Variants in PKHD1L1 observed in about 807,000 individuals in gnomAD.
PKHD1L1 encodes the protein PKHD1 like 1.
PKHD1L1 carries 434 observed loss-of-function variants against 462.9 expected under a neutral mutation model. The observed-to-expected ratio is 0.94, with a 90% confidence interval of 0.87 to 1.02. The LOEUF is 1.02. PKHD1L1 is among the 50% of genes least tolerant of loss of function. The probability of loss-of-function intolerance (pLI) is 0.00; values close to 1 mark genes in which losing one functional copy is unlikely to be tolerated. For missense variants in PKHD1L1, 5,202 were observed against 5,096.1 expected, an observed-to-expected ratio of 1.02 and a Z score of -0.63; for synonymous variants, 1,781 against 1,750.0, an observed-to-expected ratio of 1.02 and a Z score of -0.44.
At chr8:109,410,030 TG>T (rs1455920316) in intron 19 of PKHD1L1, 52 bp downstream of exon 19, 13 of 990,738 alleles carry the variant, frequency 1.3e-5, no homozygotes, top group Non-Finnish European at 1.9e-5. Context: ...ATTTATATAA[TG>T]GTTTTAAATT....
chr8:109,507,572 A>G, intron 68 of PKHD1L1, 91 bp from the exon 69 acceptor site: 1 of 1,110,214 alleles, frequency 9.0e-7, no homozygotes, highest in Non-Finnish European at 1.3e-6. Flanking sequence ...CAATAGATCA[A>G]TTTTTTTGGA....
At chr8:109,380,364 C>A (rs1161779560) in intron 2 of PKHD1L1, among the ~76,000 whole-genome samples, 6 of 152,122 alleles carry the variant, frequency 3.9e-5, no homozygotes, top group Non-Finnish European at 7.4e-5. Flanking sequence ...TTATATTCAG[C>A]TTTACATCCT....
chr8:109,413,427 T>C lies in PKHD1L1; in HGVS notation c.2242T>C (p.Leu748=). The change falls in exon 21 of 78, where the codon TTA becomes CTA. Residue 748 remains leucine, a synonymous_variant. Coordinates refer to ENST00000378402, the MANE Select transcript of PKHD1L1 (RefSeq NM_177531.6). The part of the protein sequence containing the change: ...ILLFPYNQLC[L]AYKGFLANYI... ...TTTTCATATTTTTATGTAGTTATGTTTAGCATACAAAGGATTCCTGGCAAA... is the reference window on the plus strand; with the variant it reads ...TTTTCATATTTTTATGTAGTTATGTCTAGCATACAAAGGATTCCTGGCAAA... 6.5e-7 allele frequency: 1 copy of C among 1,529,174 alleles called. No homozygotes were observed. The highest frequency in any genetic ancestry group is 1.4e-5 in the African/African-American group (1 of 73,132). 94.7% of individuals were successfully genotyped at this position (1,529,174 alleles called of 1,614,324 possible). A position where few individuals can be genotyped will look rare whatever the true frequency, so the allele number is the denominator to read the frequency against.
intron 59 of PKHD1L1, among the ~76,000 whole-genome samples, chr8:109,487,888 G>GAC: frequency 7.1e-6 from 1 of 140,474 alleles, no homozygotes. Flanking sequence ...GAGAGAGAGA[G>GAC]AGAGGAAGGA....
At chr8:109,503,891 A>T (rs1673420) in intron 67 of PKHD1L1, among the ~76,000 whole-genome samples, 73,671 of 152,028 alleles carry the variant, frequency 0.48, 19,561 homozygotes, top group African/African-American at 0.7. Flanking sequence ...TACTTCCATG[A>T]CTGGAGGTTG....
Position 109,445,045 on chromosome 8 carries a change from C to T in PKHD1L1, c.5176C>T (p.Leu1726Phe). 2 of 1,613,928 alleles carry T rather than the reference C, an allele frequency of 1.2e-6. No individual in the cohort carries two copies. The highest frequency in any genetic ancestry group is 1.1e-5 in the South Asian group (1 of 91,078). ...PAAQQLVDVD[L>F]LIHGVPAQCQ... ...TGCCCAACAGCTTGTGGATGTAGATCTTCTAATACATGGAGTGCCTGCCCA... is the reference window on the plus strand; with the variant it reads ...TGCCCAACAGCTTGTGGATGTAGATTTTCTAATACATGGAGTGCCTGCCCA... The change falls in exon 38 of 78, where the codon CTT (leucine) becomes TTT (phenylalanine). Residue 1726 changes from leucine (L) to phenylalanine (F), a missense_variant. Around this residue, in one of 3 missense-constraint regions of PKHD1L1, gnomAD observed 4,497 missense variants for 4,336.8 expected, o/e 1.04. Transcript: ENST00000378402.
intron 17 of PKHD1L1, among the ~76,000 whole-genome samples, chr8:109,407,695 T>G (rs2130576347): frequency 6.6e-6 from 1 of 152,290 alleles, no homozygotes; most frequent in Admixed American, 6.5e-5. Flanking sequence ...TGCACTAAAA[T>G]AATGGTACTA....
At chr8:109,456,027 G>T (rs544040028) in intron 45 of PKHD1L1, among the ~76,000 whole-genome samples, 9 of 152,170 alleles carry the variant, frequency 5.9e-5, no homozygotes, top group Admixed American at 1.3e-4. Context: ...GTATATCATT[G>T]CAGAAGAATA....
Position 109,504,387 on chromosome 8 carries a change from C to G in PKHD1L1, c.10889C>G (p.Thr3630Ser), listed in dbSNP as rs535097989. 99 of 1,548,982 alleles carry G rather than the reference C, an allele frequency of 6.4e-5. No homozygotes were observed. In the South Asian group the frequency reaches 1.2e-3, roughly 18 times the overall value. Residue 3630 changes from threonine (T) to serine (S), a missense_variant, in exon 68 of 78, where the codon ACT becomes AGT. Around this residue, in one of 3 missense-constraint regions of PKHD1L1, gnomAD observed 698 missense variants for 736.3 expected, o/e 0.95. Transcript: ENST00000378402. ...GGGGAAACTAATGTTATATTCATTA[C>G]TAACCCTTTAAATGAGGATTTACAG... is the stretch of plus-strand genomic sequence containing the variant. ...CSGETNVIFI[T>S]NPLNEDLQHP...
Position 109,427,015 on chromosome 8 carries a change from T to C in PKHD1L1, c.2859T>C (p.Ala953=), listed in dbSNP as rs796774747. 6.4e-7 allele frequency: 1 copy of C among 1,568,818 alleles called. No individual in the cohort carries two copies. Among genetic ancestry groups the C allele is most frequent in the Admixed American group, 1.7e-5 (1 of 59,964 alleles). Residue 953 remains alanine, a synonymous_variant, in exon 25 of 78, where the codon GCT becomes GCC. Coordinates refer to ENST00000378402, the MANE Select transcript of PKHD1L1 (RefSeq NM_177531.6). ...YGHILKGLPA[A]VSAADLQFAL... ...CTGTGAGTGCAGGCCTCCCCGCTGCTGTGTCAGCTGCAGATCTGCAGTTTG... is the reference window on the plus strand; with the variant it reads ...CTGTGAGTGCAGGCCTCCCCGCTGCCGTGTCAGCTGCAGATCTGCAGTTTG...
chr8:109,508,922 G>A (rs540724769), intron 70 of PKHD1L1, among the ~76,000 whole-genome samples: 1 of 152,142 alleles, frequency 6.6e-6, no homozygotes, highest in South Asian at 2.1e-4. Context: ...ACTTCTAAAA[G>A]GTACTGAAAA....
At chr8:109,373,149 T>C (rs1811608396) in intron 2 of PKHD1L1, among the ~76,000 whole-genome samples, 2 of 152,166 alleles carry the variant, frequency 1.3e-5, no homozygotes, top group South Asian at 4.1e-4. Context: ...TTTTTTTGGT[T>C]GGTAAGCTAT....
chr8:109,426,293 C>A (rs1043252422), intron 24 of PKHD1L1, among the ~76,000 whole-genome samples: 1 of 151,834 alleles, frequency 6.6e-6, no homozygotes, highest in African/African-American at 2.4e-5. Flanking sequence ...ATTAAAAGAT[C>A]ATTTTAACAC....
chr8:109,517,443 C>G (rs1286378132), intron 72 of PKHD1L1, among the ~76,000 whole-genome samples: 1 of 152,144 alleles, frequency 6.6e-6, no homozygotes, highest in Admixed American at 6.6e-5. Flanking sequence ...CACTATTACA[C>G]AATTCAGTGT....
At chr8:109,435,816 GT>G (rs1011078815) in intron 29 of PKHD1L1, among the ~76,000 whole-genome samples, 2 of 151,420 alleles carry the variant, frequency 1.3e-5, no homozygotes, top group Non-Finnish European at 3.0e-5. Flanking sequence ...ACATTTGTTT[GT>G]TTTTTTTACC....
intron 13 of PKHD1L1, among the ~76,000 whole-genome samples, chr8:109,400,776 T>C (rs1380057895): frequency 2.0e-5 from 3 of 152,134 alleles, no homozygotes; most frequent in Non-Finnish European, 2.9e-5. Flanking sequence ...TGATAAGTTT[T>C]TATTTACTTC....
intron 59 of PKHD1L1, 46 bp downstream of exon 59, chr8:109,486,867 T>C (rs1818555183): frequency 6.5e-7 from 1 of 1,531,224 alleles, no homozygotes; most frequent in Non-Finnish European, 9.0e-7. Flanking sequence ...TATAACATTA[T>C]CTCATCTATA....
In PKHD1L1 at chr8:109,532,993, T is replaced by C. The variant is rs564774814; in HGVS notation, c.*2903T>C. 1.2e-4 allele frequency among the ~76,000 whole-genome samples: 18 copies of C among 152,366 alleles called. No homozygotes were observed. The Middle Eastern group carries it at 0.01, about 86-fold the overall frequency. On this transcript the variant is annotated 3_prime_UTR_variant, in exon 78 of 78. Transcript: ENST00000378402. ...GGATAACCTTATTCCCTTCTCCAAA[T>C]GAGGAAACTTGAAATGTTGAAGGGT...
chr8:109,420,696 C>A lies in PKHD1L1; in HGVS notation c.2697+6C>A. The A allele has an allele frequency of 1.3e-6, 2 of 1,519,756 alleles. No individual in the cohort carries two copies. Among genetic ancestry groups the A allele is most frequent in the East Asian group, 2.4e-5 (1 of 40,988 alleles). 94.1% of individuals were successfully genotyped at this position (1,519,756 alleles called of 1,614,324 possible). A position where few individuals can be genotyped will look rare whatever the true frequency, so the allele number is the denominator to read the frequency against. The stretch of plus-strand genomic sequence containing the variant: ...TGGCTGTGAGCTTTGGGCAGGTAAG[C>A]CTAGAATTTTGCATTAATTTTTATG... On this transcript the variant is annotated splice_donor_region_variant and intron_variant, in intron 23 of 77. Coordinates refer to ENST00000378402, the MANE Select transcript of PKHD1L1 (RefSeq NM_177531.6).
Sources: allele counts gnomAD v4.1 joint callset (sites outside exome capture counted in the v4.1 genomes callset), GRCh38; gene constraint gnomAD v4.1.1; regional missense constraint gnomAD v4.1.1; transcripts MANE v1.5; gene names NCBI Gene and HGNC (gene_info 2026-07-23, HGNC 2026-07-21).